PHKG2: variants seen among roughly 807,000 people sequenced by gnomAD.
PHKG2 encodes the protein phosphorylase b kinase gamma catalytic chain, liver/testis isoform.
A neutral mutation model predicts 44.5 loss-of-function variants in PHKG2; 28 were observed. The observed-to-expected ratio is 0.63, with a 90% confidence interval of 0.47 to 0.86. The LOEUF is 0.86. PHKG2 is among the 40% of genes least tolerant of loss of function. PHKG2 has a pLI of 0.00. For missense variants in PHKG2, 498 were observed against 547.5 expected, an observed-to-expected ratio of 0.91 and a Z score of 0.90; for synonymous variants, 220 against 211.2, an observed-to-expected ratio of 1.04 and a Z score of -0.36.
At chr16:30,754,525 A>G (rs540589638) in intron 6 of PHKG2, among the ~76,000 whole-genome samples, 1 of 152,222 alleles carries the variant, frequency 6.6e-6, no homozygotes, top group South Asian at 2.1e-4. Flanking sequence ...TGTGACAGAC[A>G]GTATTTGTGT....
At chr16:30,756,736 G>A (rs981838126) in intron 9 of PHKG2, 21 bp downstream of exon 9, 4 of 1,613,896 alleles carry the variant, frequency 2.5e-6, no homozygotes, top group African/African-American at 1.3e-5. Flanking sequence ...GTGTATCAGG[G>A]TCTGGGCCCG....
Position 30,755,012 on chromosome 16 carries a change from G to A in PHKG2, c.557-1170G>A, listed in dbSNP as rs572020283. On this transcript the variant is annotated intron_variant, in intron 6 of 9. Coordinates refer to ENST00000563588, the MANE Select transcript of PHKG2 (RefSeq NM_000294.3). ...CAATTCGGGGCTGTTAAAATCTCCT[G>A]GAAGTGTGCCATGGAACAAGGTTCA... 6 of 430,648 alleles carry A rather than the reference G, an allele frequency of 1.4e-5. No homozygotes were observed. In the East Asian group the frequency reaches 4.3e-4, roughly 31 times the overall value. 26.7% of individuals were successfully genotyped at this position (430,648 alleles called of 1,614,324 possible). A position where few individuals can be genotyped will look rare whatever the true frequency, so the allele number is the denominator to read the frequency against.
chr16:30,759,046 T>G lies in PHKG2; in HGVS notation c.*1949T>G, dbSNP rs144755146. On this transcript the variant is annotated 3_prime_UTR_variant, in exon 10 of 10. Transcript: ENST00000563588. The stretch of plus-strand genomic sequence containing the variant: ...GCTCTGGTGGGGCCACTGTCTCTAG[T>G]TCCTCTTTCTGCGGGGTAACTGCCT... 9 of 1,614,238 alleles carry G rather than the reference T, an allele frequency of 5.6e-6. 1 individual carries two copies. The African/African-American group carries it at 1.2e-4, about 22-fold the overall frequency.
rs1297474190 is a variant in PHKG2 at position 30,751,655 on chromosome 16, TG to T, written c.326+54del. 3 of 1,433,148 alleles carry T rather than the reference TG, an allele frequency of 2.1e-6. No homozygotes were observed. The East Asian group carries it at 6.8e-5, about 33-fold the overall frequency. The allele number at this position is 1,433,148 out of a possible 1,614,324, so 88.8% of individuals were successfully genotyped here. On this transcript the variant is annotated intron_variant, in intron 4 of 9. Transcript: ENST00000563588. ...GAAGCCTCCTCCCCACCTCCATGTATGGCCCAGCATTTGTGGTGCAGTGGGC... is the reference window on the plus strand; with the variant it reads ...GAAGCCTCCTCCCCACCTCCATGTATGCCCAGCATTTGTGGTGCAGTGGGC...
intron 4 of PHKG2, chr16:30,752,890 C>A: frequency 2.7e-6 from 1 of 377,060 alleles, no homozygotes; most frequent in South Asian, 2.7e-5. Context: ...ACCTTTGTGC[C>A]ACAAAAAACT....
intron 1 of PHKG2, 44 bp downstream of exon 1, chr16:30,748,534 A>C: frequency 2.0e-6 from 1 of 497,512 alleles, no homozygotes. Context: ...CGCCCGCCCG[A>C]ATGCGCCTGC....
At position 30,757,270 on chromosome 16, in the gene PHKG2, C is replaced by A; in HGVS notation, c.*173C>A. Reference sequence around the variant, plus strand: ...ACTGGCCAGGACTCTGAGATCAGAGCTGGGGTGGAAGGGAGCCATTCTGAA... The same window carrying A: ...ACTGGCCAGGACTCTGAGATCAGAGATGGGGTGGAAGGGAGCCATTCTGAA... On this transcript the variant is annotated 3_prime_UTR_variant, in exon 10 of 10. Coordinates refer to ENST00000563588, the MANE Select transcript of PHKG2 (RefSeq NM_000294.3). The A allele has an allele frequency of 5.2e-6, 8 of 1,553,340 alleles. No homozygotes were observed. The highest frequency in any genetic ancestry group is 5.2e-6 in the Non-Finnish European group (6 of 1,158,092).
At position 30,756,818 on chromosome 16, in the gene PHKG2, A is replaced by C. The variant is rs377396970; in HGVS notation, c.942A>C (p.Thr314=). ...PRQRFRVAVW[T]VLAAGRVALS... is the part of the protein sequence containing the mutation. Reference sequence around the variant, plus strand: ...CCCCTTCCCAGGTGGCAGTGTGGACAGTGCTGGCTGCTGGACGAGTGGCCC... The same window carrying C: ...CCCCTTCCCAGGTGGCAGTGTGGACCGTGCTGGCTGCTGGACGAGTGGCCC... Residue 314 remains threonine (T), a synonymous_variant, in exon 10 of 10, where the codon ACA becomes ACC. Coordinates refer to ENST00000563588, the MANE Select transcript of PHKG2 (RefSeq NM_000294.3). The C allele has an allele frequency of 3.7e-6, 6 of 1,614,174 alleles. No homozygotes were observed. The highest frequency in any genetic ancestry group is 1.1e-5 in the South Asian group (1 of 91,090).
At chr16:30,752,267 C>A in intron 4 of PHKG2, among the ~76,000 whole-genome samples, 1 of 134,282 alleles carries the variant, frequency 7.4e-6, no homozygotes, top group African/African-American at 2.8e-5. Context: ...GCATGGTGGT[C>A]GGTGCCTGTA....
chr16:30,753,393 G>C lies in PHKG2; in HGVS notation c.393-1G>C. 6.2e-7 allele frequency: 1 copy of C among 1,614,166 alleles called. No individual in the cohort carries two copies. The highest frequency in any genetic ancestry group is 8.5e-7 in the Non-Finnish European group (1 of 1,180,024). ...ACTGCACCCGCCTCCCCTTCCCCCA[G>C]GTCCATCATGCGGTCTCTGCTGGAA... On this transcript the variant is annotated splice_acceptor_variant, in intron 5 of 9. Transcript: ENST00000563588. LOFTEE classifies it high-confidence loss of function.
At chr16:30,754,842 C>T (rs747931707) in intron 6 of PHKG2, 2 of 455,962 alleles carry the variant, frequency 4.4e-6, no homozygotes, top group South Asian at 3.1e-5. Context: ...CACAACACGT[C>T]TTACTGTATT....
At chr16:30,751,977 C>T (rs935794254) in intron 4 of PHKG2, 60 of 316,030 alleles carry the variant, frequency 1.9e-4, no homozygotes, top group Non-Finnish European at 3.6e-4. Flanking sequence ...CCTGTAGTCC[C>T]AGCTACTCGG....
In PHKG2 at chr16:30,751,567, A is replaced by G. The variant is rs757735184; in HGVS notation, c.290A>G (p.Tyr97Cys). 13 of 1,613,278 alleles carry G rather than the reference A, an allele frequency of 8.1e-6. No individual in the cohort carries two copies. The highest frequency in any genetic ancestry group is 1.6e-4 in the Middle Eastern group (1 of 6,084). Residue 97 changes from tyrosine (Y) to cysteine (C), a missense_variant, in exon 4 of 10, where the codon TAC (tyrosine) becomes TGC (cysteine). By Grantham distance (194) the Tyr-to-Cys change is radical. Coordinates refer to ENST00000563588, the MANE Select transcript of PHKG2 (RefSeq NM_000294.3). Reference sequence around the variant, plus strand: ...TCCCTAGTCACCCTCATCGATTCCTACGAGTCTTCTAGCTTCATGTTCCTG... The same window carrying G: ...TCCCTAGTCACCCTCATCGATTCCTGCGAGTCTTCTAGCTTCATGTTCCTG... ...HPHIITLIDS[Y>C]ESSSFMFLVF...
Position 30,759,080 on chromosome 16 carries a change from A to G in PHKG2, c.*1983A>G, listed in dbSNP as rs1169409592. ...CTGCGGGGTAACTGCCTGCTCCTCCATCTCCTTGCTTTCTTCTTTCTCTGC... is the reference window on the plus strand; with the variant it reads ...CTGCGGGGTAACTGCCTGCTCCTCCGTCTCCTTGCTTTCTTCTTTCTCTGC... On this transcript the variant is annotated 3_prime_UTR_variant, in exon 10 of 10. Coordinates refer to ENST00000563588, the MANE Select transcript of PHKG2 (RefSeq NM_000294.3). 3 of 1,613,906 alleles carry G rather than the reference A, an allele frequency of 1.9e-6. No homozygotes were observed. Among genetic ancestry groups the G allele is most frequent in the Admixed American group, 3.3e-5 (2 of 59,992 alleles).
At position 30,756,989 on chromosome 16, in the gene PHKG2, G is replaced by T. The variant is rs777384232; in HGVS notation, c.1113G>T (p.Ala371=). 1 of 1,612,232 alleles carries T rather than the reference G, an allele frequency of 6.2e-7. No individual in the cohort carries two copies. Among genetic ancestry groups the T allele is most frequent in the East Asian group, 2.2e-5 (1 of 44,880 alleles). ...WVKKGEQQNR[A]ALFQHRPPGP... ...AGAAAGGGGAGCAGCAGAACCGGGC[G>T]GCTCTCTTTCAGCACCGGCCCCCTG... is the stretch of plus-strand genomic sequence containing the variant. Residue 371 remains alanine (A), a synonymous_variant, in exon 10 of 10, where the codon GCG becomes GCT. Coordinates refer to ENST00000563588, the MANE Select transcript of PHKG2 (RefSeq NM_000294.3).
chr16:30,759,730 A>T lies in PHKG2; in HGVS notation c.*2633A>T. 1 of 1,603,760 alleles carries T rather than the reference A, an allele frequency of 6.2e-7. No homozygotes were observed. Among genetic ancestry groups the T allele is most frequent in the Non-Finnish European group, 8.5e-7 (1 of 1,174,312 alleles). On this transcript the variant is annotated 3_prime_UTR_variant, in exon 10 of 10. Transcript: ENST00000563588. ...CACGTTGCCCAAGGGGGTTGCTGGTAGGGAAAGCAAGATGCAGCAGTGAGG... is the reference window on the plus strand; with the variant it reads ...CACGTTGCCCAAGGGGGTTGCTGGTTGGGAAAGCAAGATGCAGCAGTGAGG...
chr16:30,756,697 C>A lies in PHKG2; in HGVS notation c.909C>A (p.Thr303=). The A allele has an allele frequency of 6.2e-7, 1 of 1,614,076 alleles. No individual in the cohort carries two copies. The highest frequency in any genetic ancestry group is 8.5e-7 in the Non-Finnish European group (1 of 1,180,024). ...RCEGSQPWNL[T]PRQRFRVAVW... is the part of the protein sequence containing the mutation. ...AAGGCAGCCAACCCTGGAACCTCAC[C>A]CCCCGCCAGCGGTTCCGGGTAAGCC... is the stretch of plus-strand genomic sequence containing the variant. The change falls in exon 9 of 10, where the codon ACC becomes ACA. Residue 303 remains threonine, a synonymous_variant. Transcript: ENST00000563588.
In PHKG2 at chr16:30,748,495, G is replaced by A. The variant is rs552665142; in HGVS notation, c.-19+5G>A. ...CTCCTCTGCCTGCCCCCTCAGGTGA[G>A]CCTGCGCTAGACCCCCGTCCCCTTC... On this transcript the variant is annotated splice_donor_5th_base_variant and intron_variant, in intron 1 of 9. Transcript: ENST00000563588. 4.7e-6 allele frequency: 2 copies of A among 425,000 alleles called. No homozygotes were observed. The highest frequency in any genetic ancestry group is 8.6e-6 in the Non-Finnish European group (2 of 233,740). 26.3% of individuals were successfully genotyped at this position (425,000 alleles called of 1,614,324 possible).
Position 30,761,156 on chromosome 16 carries a change from G to C in PHKG2, c.*4059G>C, listed in dbSNP as rs1327316092. ...ACAGGACTGTTGGGGAGACAATAAAGAACGCAAATATTCAGTGTAATTTTT... is the reference window on the plus strand; with the variant it reads ...ACAGGACTGTTGGGGAGACAATAAACAACGCAAATATTCAGTGTAATTTTT... On this transcript the variant is annotated 3_prime_UTR_variant, in exon 10 of 10. Coordinates refer to ENST00000563588, the MANE Select transcript of PHKG2 (RefSeq NM_000294.3). 3 of 1,606,526 alleles carry C rather than the reference G, an allele frequency of 1.9e-6. No individual in the cohort carries two copies. The highest frequency in any genetic ancestry group is 2.7e-5 in the African/African-American group (2 of 74,782).
Sources: allele counts gnomAD v4.1 joint callset (sites outside exome capture counted in the v4.1 genomes callset), GRCh38; gene constraint gnomAD v4.1.1; transcripts MANE v1.5; gene names NCBI Gene and HGNC (gene_info 2026-07-23, HGNC 2026-07-21).